The following FLVCR1 variants were observed in gnomAD, a reference collection of about 807,000 sequenced individuals.
FLVCR1 encodes FLVCR choline and heme transporter 1.
Under a neutral mutation model 53.6 loss-of-function variants are expected in FLVCR1, and 34 were observed. The observed-to-expected ratio is 0.63, with a 90% CI of 0.48 to 0.84. The LOEUF is 0.84. FLVCR1 is among the 40% of genes least tolerant of loss of function. The pLI, the probability that FLVCR1 is intolerant of heterozygous loss-of-function variation, is 0.00. For missense variants in FLVCR1, 677 were observed against 696.7 expected (o/e 0.97, Z 0.32); for synonymous variants, 300 against 286.3 (o/e 1.05, Z -0.48).
rs58243050 is a variant in FLVCR1 at position 212,878,533 on chromosome 1, C to CA, written c.1025-4817dup. Reference sequence around the variant, plus strand: ...TGGGCGACAGAGTGAGTCTCCGTCTCAAAAAAAAAAAAAAAAAAAAATACA... The same window carrying CA: ...TGGGCGACAGAGTGAGTCTCCGTCTCAAAAAAAAAAAAAAAAAAAAAATACA... On this transcript the variant is annotated intron_variant, in intron 3 of 9. Transcript: ENST00000366971. Among the ~76,000 whole-genome samples the CA allele has an allele frequency of 7.9e-3, 886 of 112,708 alleles. 9 individuals carry two copies. The highest frequency in any genetic ancestry group is 0.016 in the African/African-American group (424 of 26,714). The allele number at this position is 112,708 out of a possible 152,430, so 73.9% of individuals were successfully genotyped here.
In FLVCR1 at chr1:212,895,591, C is replaced by A. The variant is rs1334194987; in HGVS notation, c.*301C>A. ...TTCTTGACGTTTACTTTTTAAAAGT[C>A]GATGTTTTTCTTTTTTGTAGAAAAT... On this transcript the variant is annotated 3_prime_UTR_variant, in exon 10 of 10. Transcript: ENST00000366971. The A allele has an allele frequency of 8.2e-6, 3 of 364,478 alleles. No homozygotes were observed. The highest frequency in any genetic ancestry group is 5.8e-5 in the South Asian group (2 of 34,310). The allele number at this position is 364,478 out of a possible 1,614,324, so 22.6% of individuals were successfully genotyped here. A position where few individuals can be genotyped will look rare whatever the true frequency, so the allele number is the denominator to read the frequency against.
intron 8 of FLVCR1, among the ~76,000 whole-genome samples, chr1:212,893,065 T>TTGA (rs376805847): frequency 1.4e-5 from 2 of 142,308 alleles, no homozygotes; most frequent in Admixed American, 7.5e-5. Context: ...TCTTTTTTTT[T>TTGA]GGGGGGGGGT....
At chr1:212,893,974 CTA>C (rs1225243175) in intron 8 of FLVCR1, among the ~76,000 whole-genome samples, 1 of 152,058 alleles carries the variant, frequency 6.6e-6, no homozygotes, top group African/African-American at 2.4e-5. Context: ...GGGGGTTTCA[CTA>C]TGTTGGCTAG....
rs530547074 is a variant in FLVCR1 at position 212,870,399 on chromosome 1, T to C, written c.884-2279T>C. ...GGGTCATTTCTTACTTTCCCAGTGA[T>C]TGTTTCTCCCTGGCTGGTTTTCAAA... On this transcript the variant is annotated intron_variant, in intron 2 of 9. Transcript: ENST00000366971. 2.6e-5 allele frequency among the ~76,000 whole-genome samples: 4 copies of C among 152,332 alleles called. No individual in the cohort carries two copies. The East Asian group carries it at 5.8e-4, about 22-fold the overall frequency.
chr1:212,886,352 C>CT (rs1216479119), intron 5 of FLVCR1, among the ~76,000 whole-genome samples: 4 of 151,676 alleles, frequency 2.6e-5, no homozygotes, highest in Non-Finnish European at 4.4e-5. Context: ...CTATGTTGTT[C>CT]TTTTTTTATG....
At chr1:212,891,449 A>T (rs1665192538) in intron 8 of FLVCR1, among the ~76,000 whole-genome samples, 1 of 152,182 alleles carries the variant, frequency 6.6e-6, no homozygotes, top group Non-Finnish European at 1.5e-5. Context: ...CGTCTCAAAA[A>T]AAAAAACAGT....
intron 2 of FLVCR1, among the ~76,000 whole-genome samples, chr1:212,865,981 G>GTTTTTTTT (rs1319691717): frequency 0.03 from 1,227 of 41,018 alleles, 19 homozygotes; most frequent in Non-Finnish European, 0.058. Flanking sequence ...TTGGGGTTTG[G>GTTTTTTTT]TTTTTTTTTT....
intron 3 of FLVCR1, among the ~76,000 whole-genome samples, chr1:212,873,310 C>CAAAAAAAAAAA: frequency 6.9e-6 from 1 of 144,254 alleles, no homozygotes; most frequent in East Asian, 2.0e-4. Flanking sequence ...GAGACTATCT[C>CAAAAAAAAAAA]AAAAAAAAAA....
At chr1:212,875,159 G>A (rs1176326235) in intron 3 of FLVCR1, among the ~76,000 whole-genome samples, 7 of 152,086 alleles carry the variant, frequency 4.6e-5, no homozygotes, top group East Asian at 1.9e-4. Context: ...TAGTGCTCTA[G>A]ATGCCTTGTG....
In FLVCR1 at chr1:212,865,136, C is replaced by CT. The variant is rs34715080; in HGVS notation, c.883+1278dup. 5.1e-4 allele frequency among the ~76,000 whole-genome samples: 75 copies of CT among 148,280 alleles called. No homozygotes were observed. The South Asian group carries it at 8.2e-3, about 16-fold the overall frequency. ...TTCTTAAAAAAAAAACACCAAAATTCTTTTTTTTTTTATTATAAGTTTTAG... is the reference window on the plus strand; with the variant it reads ...TTCTTAAAAAAAAAACACCAAAATTCTTTTTTTTTTTTATTATAAGTTTTAG... On this transcript the variant is annotated intron_variant, in intron 2 of 9. Transcript: ENST00000366971.
intron 3 of FLVCR1, among the ~76,000 whole-genome samples, chr1:212,882,908 A>G (rs1664963411): frequency 6.6e-6 from 1 of 152,180 alleles, no homozygotes; most frequent in Non-Finnish European, 1.5e-5. Flanking sequence ...CAAAAAAAAA[A>G]GTATTAACTG....
intron 2 of FLVCR1, among the ~76,000 whole-genome samples, chr1:212,864,075 A>G (rs968365002): frequency 2.0e-5 from 3 of 152,122 alleles, no homozygotes; most frequent in Non-Finnish European, 4.4e-5. Flanking sequence ...GAAGGGTTTG[A>G]AGACTAATTC....
rs1665361360 is a variant in FLVCR1 at position 212,897,170 on chromosome 1, TAAATAAATAAATAAATAAATAAATAAATA to T, written c.*1883_*1911del. On this transcript the variant is annotated 3_prime_UTR_variant, in exon 10 of 10. Coordinates refer to ENST00000366971, the MANE Select transcript of FLVCR1 (RefSeq NM_014053.4). ...GGAGATAAAGTGAGACTGTCTCAAA[TAAATAAATAAATAAATAAATAAATAAATA>T]AATAAATAAATAAAACCTGAGGTTG... is the stretch of plus-strand genomic sequence containing the variant. 1 of 6,838 alleles carries T rather than the reference TAAATAAATAAATAAATAAATAAATAAATA, an allele frequency of 1.5e-4. No homozygotes were observed. Among genetic ancestry groups the T allele is most frequent in the Admixed American group, 3.7e-3 (1 of 270 alleles). 0.4% of individuals were successfully genotyped at this position (6,838 alleles called of 1,614,324 possible).
chr1:212,892,525 T>C (rs1395326851), intron 8 of FLVCR1, among the ~76,000 whole-genome samples: 1 of 152,232 alleles, frequency 6.6e-6, no homozygotes, highest in Admixed American at 6.5e-5. Flanking sequence ...AAACCCATTG[T>C]TGAAGCCTGC....
At position 212,897,515 on chromosome 1, in the gene FLVCR1, C is replaced by G. The variant is rs1665373988; in HGVS notation, c.*2225C>G. ...CCAGCCTGGGTGACAGAGCGAGACT[C>G]TGTTTCAGGAAAAAAAGAACAGAAA... On this transcript the variant is annotated 3_prime_UTR_variant, in exon 10 of 10. Coordinates refer to ENST00000366971, the MANE Select transcript of FLVCR1 (RefSeq NM_014053.4). The G allele has an allele frequency of 6.6e-6, 1 of 152,252 alleles. No individual in the cohort carries two copies. Among genetic ancestry groups the G allele is most frequent in the Admixed American group, 6.5e-5 (1 of 15,276 alleles). 9.4% of individuals were successfully genotyped at this position (152,252 alleles called of 1,614,324 possible). A position where few individuals can be genotyped will look rare whatever the true frequency, so the allele number is the denominator to read the frequency against.
At chr1:212,893,070 G>C (rs1356300337) in intron 8 of FLVCR1, among the ~76,000 whole-genome samples, 1 of 148,778 alleles carries the variant, frequency 6.7e-6, no homozygotes, top group Non-Finnish European at 1.5e-5. Context: ...TTTTTTGGGG[G>C]GGGGTGCCGG....
intron 5 of FLVCR1, among the ~76,000 whole-genome samples, chr1:212,887,105 A>C (rs1224858522): frequency 6.6e-6 from 1 of 152,226 alleles, no homozygotes; most frequent in Non-Finnish European, 1.5e-5. Flanking sequence ...ACGCTACCAA[A>C]AGTATCTCTA....
intron 3 of FLVCR1, among the ~76,000 whole-genome samples, chr1:212,879,485 T>C (rs1664862186): frequency 6.6e-6 from 1 of 152,142 alleles, no homozygotes; most frequent in African/African-American, 2.4e-5. Flanking sequence ...GGATCATATA[T>C]GCAGTGTCCC....
chr1:212,886,244 T>C (rs1330134128), intron 5 of FLVCR1, among the ~76,000 whole-genome samples: 1 of 151,612 alleles, frequency 6.6e-6, no homozygotes, highest in African/African-American at 2.4e-5. Context: ...TGTTTCACCA[T>C]GTTGCCCAGG....
Sources: gnomAD v4.1 joint callset for allele counts (sites outside exome capture counted in the v4.1 genomes callset) on GRCh38, gnomAD v4.1.1 for gene constraint, MANE v1.5 for transcripts, NCBI Gene and HGNC (gene_info 2026-07-23, HGNC 2026-07-21) for gene names.